Variants in STX7 observed in about 807,000 individuals in gnomAD.
The protein encoded by STX7 is syntaxin-7.
Under a neutral mutation model 39.6 loss-of-function variants are expected in STX7, and 34 were observed. That is an observed-to-expected ratio of 0.86 (90% CI 0.65 to 1.14). The LOEUF is 1.14. Ranked by LOEUF, STX7 falls within the 50% of genes most tolerant of loss-of-function variation. The pLI is 0.00. For missense variants in STX7, 284 were observed against 310.4 expected (o/e 0.92, Z 0.64); for synonymous variants, 119 against 99.1 (o/e 1.20, Z -1.19).
Position 132,483,703 on chromosome 6 carries a change from C to T in STX7, c.86-8041G>A, listed in dbSNP as rs549119127. ...GTTTTTGGCCATCTCCTAAGTTCTT[C>T]CCCTTCTAGAAGGTATGGATAGTAG... On this transcript the variant is annotated intron_variant, in intron 2 of 9. Coordinates refer to ENST00000367941, the MANE Select transcript of STX7 (RefSeq NM_003569.3). 7.2e-5 allele frequency among the ~76,000 whole-genome samples: 11 copies of T among 152,284 alleles called. No homozygotes were observed. In the South Asian group the frequency reaches 8.3e-4, roughly 11 times the overall value.
chr6:132,470,608 T>C lies in STX7; in HGVS notation c.406A>G (p.Ser136Gly), dbSNP rs778849596. 1.1e-5 allele frequency: 17 copies of C among 1,609,322 alleles called. No individual in the cohort carries two copies. Among genetic ancestry groups the C allele is most frequent in the Non-Finnish European group, 1.4e-5 (16 of 1,177,156 alleles). ...SRVSGSFPED[S>G]SKERNLVSWE... Reference sequence around the variant, plus strand: ...GATACAAGATTCCTTTCTTTTGAGCTGTCCTCAGGAAAACTGCCCTGAATA... The same window carrying C: ...GATACAAGATTCCTTTCTTTTGAGCCGTCCTCAGGAAAACTGCCCTGAATA... Residue 136 changes from serine to glycine, a missense_variant, in exon 6 of 10, where the codon AGC becomes GGC. Transcript: ENST00000367941.
intron 2 of STX7, among the ~76,000 whole-genome samples, chr6:132,476,581 G>T (rs1428220225): frequency 6.6e-6 from 1 of 152,066 alleles, no homozygotes; most frequent in East Asian, 1.9e-4. Flanking sequence ...AAATCATAGG[G>T]ACAACTGGAG....
rs1279069917 is a variant in STX7, at chr6:132,458,905, A to T, written c.*1853T>A. On this transcript the variant is annotated 3_prime_UTR_variant, in exon 10 of 10. Coordinates refer to ENST00000367941, the MANE Select transcript of STX7 (RefSeq NM_003569.3). ...TAAAATCACGCCCCCCAAATTTGTA[A>T]GCGCTTTTGTTGTTATTGGGTACTC... 1 of 152,208 alleles carries T rather than the reference A, an allele frequency of 6.6e-6. No individual in the cohort carries two copies. Among genetic ancestry groups the T allele is most frequent in the Non-Finnish European group, 1.5e-5 (1 of 68,026 alleles). The allele number at this position is 152,208 out of a possible 1,614,324, so 9.4% of individuals were successfully genotyped here.
At chr6:132,470,084 T>C (rs748147100) in intron 6 of STX7, 37 bp from the exon 7 acceptor site, 3 of 1,485,290 alleles carry the variant, frequency 2.0e-6, no homozygotes, top group East Asian at 2.5e-5. Context: ...AAAACAAAGA[T>C]TGGTATTCAA....
chr6:132,492,875 T>C (rs1775329921), intron 2 of STX7, among the ~76,000 whole-genome samples: 1 of 152,196 alleles, frequency 6.6e-6, no homozygotes, highest in Admixed American at 6.5e-5. Context: ...ATATAGGAAA[T>C]ACCATACAAC....
At chr6:132,507,919 G>A (rs1410144654) in intron 1 of STX7, among the ~76,000 whole-genome samples, 6 of 152,132 alleles carry the variant, frequency 3.9e-5, no homozygotes, top group South Asian at 2.1e-4. Context: ...TCTCCAGCTC[G>A]TACCCTTGGC....
chr6:132,455,941 T>C lies in STX7; in HGVS notation c.*4817A>G, dbSNP rs1281896596. The C allele has an allele frequency of 1.3e-5, 2 of 152,216 alleles. No homozygotes were observed. Among genetic ancestry groups the C allele is most frequent in the African/African-American group, 4.8e-5 (2 of 41,448 alleles). The allele number at this position is 152,216 out of a possible 1,614,324, so 9.4% of individuals were successfully genotyped here. On this transcript the variant is annotated 3_prime_UTR_variant, in exon 10 of 10. Coordinates refer to ENST00000367941, the MANE Select transcript of STX7 (RefSeq NM_003569.3). ...TTAAAAACATTTTAAGAAACATTTC[T>C]TTATATGGAGCATACTTACTGTTTT...
At chr6:132,473,517 G>GTTTTTTTTTTTTT (rs752590497) in intron 3 of STX7, among the ~76,000 whole-genome samples, 3 of 125,784 alleles carry the variant, frequency 2.4e-5, no homozygotes, top group Non-Finnish European at 5.0e-5. Context: ...TTATTATTGT[G>GTTTTTTTTTTTTT]TTGTTTTTTT....
At chr6:132,471,907 G>A (rs946772965) in intron 4 of STX7, among the ~76,000 whole-genome samples, 14 of 152,124 alleles carry the variant, frequency 9.2e-5, no homozygotes, top group African/African-American at 3.1e-4. Flanking sequence ...TTTTAGCTAA[G>A]TAATAACTTC....
At chr6:132,471,815 G>A (rs1183401550) in intron 4 of STX7, among the ~76,000 whole-genome samples, 2 of 152,100 alleles carry the variant, frequency 1.3e-5, no homozygotes, top group African/African-American at 4.8e-5. Context: ...TCTCACCTCA[G>A]GTTTTCACGC....
chr6:132,483,127 C>G (rs965768203), intron 2 of STX7, among the ~76,000 whole-genome samples: 1 of 152,150 alleles, frequency 6.6e-6, no homozygotes, highest in African/African-American at 2.4e-5. Context: ...TGTCATCCTT[C>G]ACTATCCCTA....
chr6:132,486,396 C>T (rs1462433302), intron 2 of STX7, among the ~76,000 whole-genome samples: 1 of 152,154 alleles, frequency 6.6e-6, no homozygotes, highest in African/African-American at 2.4e-5. Context: ...TCCTAGTTTA[C>T]TGAGAATTTT....
intron 2 of STX7, among the ~76,000 whole-genome samples, chr6:132,491,182 A>G (rs907538706): frequency 3.9e-5 from 6 of 152,100 alleles, no homozygotes; most frequent in African/African-American, 1.4e-4. Flanking sequence ...AAGAACAGTA[A>G]AACTCCCTAA....
At chr6:132,488,151 A>G (rs994216928) in intron 2 of STX7, among the ~76,000 whole-genome samples, 7 of 152,078 alleles carry the variant, frequency 4.6e-5, no homozygotes, top group Admixed American at 4.6e-4. Flanking sequence ...TCCATAGCTT[A>G]TTTGAAATGT....
At chr6:132,470,101 G>T in intron 6 of STX7, 54 bp from the exon 7 acceptor site, 2 of 1,301,792 alleles carry the variant, frequency 1.5e-6, no homozygotes, top group East Asian at 2.7e-5. Flanking sequence ...TCAAAACAAT[G>T]GGACTCATTT....
chr6:132,486,763 T>G (rs1257054008), intron 2 of STX7, among the ~76,000 whole-genome samples: 1 of 151,278 alleles, frequency 6.6e-6, no homozygotes, highest in African/African-American at 2.4e-5. Flanking sequence ...TGCTGCCAGT[T>G]CAAGCGATTC....
intron 1 of STX7, among the ~76,000 whole-genome samples, chr6:132,505,777 A>C (rs1775691156): frequency 7.0e-6 from 1 of 143,484 alleles, no homozygotes; most frequent in Non-Finnish European, 1.5e-5. Flanking sequence ...CAGGTTTTGA[A>C]TAGCCAAAGC....
intron 2 of STX7, among the ~76,000 whole-genome samples, chr6:132,479,705 A>T (rs1038134855): frequency 6.6e-6 from 1 of 152,232 alleles, no homozygotes; most frequent in Admixed American, 6.5e-5. Flanking sequence ...TGACATGACC[A>T]TGGGTATTGC....
rs1775251255 is a variant in STX7 at position 132,490,475 on chromosome 6, AT to A, written c.85+12970del. Among the ~76,000 whole-genome samples the A allele has an allele frequency of 2.0e-5, 3 of 152,200 alleles. No homozygotes were observed. In the South Asian group the frequency reaches 6.2e-4, roughly 32 times the overall value. On this transcript the variant is annotated intron_variant, in intron 2 of 9. Coordinates refer to ENST00000367941, the MANE Select transcript of STX7 (RefSeq NM_003569.3). ...CCTCCTTCTTCCCTCCTCAAGGCATATTATAGAATGGGGGAGCAGGTAGAAA... is the reference window on the plus strand; with the variant it reads ...CCTCCTTCTTCCCTCCTCAAGGCATATATAGAATGGGGGAGCAGGTAGAAA...
Sources: gnomAD v4.1 joint callset for allele counts (sites outside exome capture counted in the v4.1 genomes callset) on GRCh38, gnomAD v4.1.1 for gene constraint, MANE v1.5 for transcripts, NCBI Gene and HGNC (gene_info 2026-07-23, HGNC 2026-07-21) for gene names.